The following RREB1 variants were observed in gnomAD, a reference collection of about 807,000 sequenced individuals.
RREB1 encodes ras-responsive element-binding protein 1.
RREB1 carries 27 observed loss-of-function variants against 117.8 expected under a neutral mutation model. The ratio of observed to expected loss-of-function variants is 0.23; its 90% CI spans 0.17 to 0.32. The LOEUF (loss-of-function observed/expected upper bound fraction) is 0.32. Among genes scored for constraint, RREB1 ranks in the 10% least tolerant of loss-of-function variants. The pLI, the probability that RREB1 is intolerant of heterozygous loss-of-function variation, is 1.00. For synonymous variants in RREB1, 1,298 were observed against 1,026.7 expected, an observed-to-expected ratio of 1.26 and a Z score of -5.05; for missense variants, 2,577 against 2,378.2, an observed-to-expected ratio of 1.08 and a Z score of -1.74.
intron 3 of RREB1, chr6:7,181,499 A>G: frequency 2.1e-6 from 1 of 474,558 alleles, no homozygotes; most frequent in Non-Finnish European, 3.6e-6. Context: ...TGTAGTAGTG[A>G]ATAAGCCTAG....
rs1769124347 is a variant in RREB1, at chr6:7,247,054, C to T, written c.4604C>T (p.Ala1535Val). The T allele has an allele frequency of 2.5e-6, 4 of 1,613,158 alleles. No homozygotes were observed. Among genetic ancestry groups the T allele is most frequent in the African/African-American group, 1.3e-5 (1 of 74,868 alleles). The change falls in exon 12 of 13, where the codon GCG (alanine) becomes GTG (valine). Residue 1535 changes from alanine to valine, a missense_variant. By Grantham distance (64) the Ala-to-Val change is moderately conservative (BLOSUM62 0). Transcript: ENST00000379938. Reference protein sequence around the residue: ...ETEGPSDGESAAEKRSSEKSD... With the variant: ...ETEGPSDGESVAEKRSSEKSD... ...GAGGGCCCCTCCGACGGGGAGAGCG[C>T]GGCCGAGAAAAGGTCCTCAGAGAAG...
intron 1 of RREB1, among the ~76,000 whole-genome samples, chr6:7,120,173 G>A (rs1011705991): frequency 1.3e-5 from 2 of 150,820 alleles, no homozygotes; most frequent in Admixed American, 6.6e-5. Context: ...TACCTAGGCC[G>A]GGCGTGGTGG....
chr6:7,179,216 G>A (rs1366228727), intron 2 of RREB1, among the ~76,000 whole-genome samples: 2 of 152,062 alleles, frequency 1.3e-5, no homozygotes, highest in African/African-American at 2.4e-5. Context: ...TCCCAGACTT[G>A]AGCAAACTCT....
chr6:7,212,039 G>C (rs1766640542), intron 8 of RREB1: 1 of 313,888 alleles, frequency 3.2e-6, no homozygotes, highest in African/African-American at 2.1e-5. Context: ...CGCAAAAGAT[G>C]TTGCAACTCA....
At position 7,245,452 on chromosome 6, in the gene RREB1, C is replaced by T. The variant is rs541366145; in HGVS notation, c.3974-972C>T. 3.3e-5 allele frequency among the ~76,000 whole-genome samples: 5 copies of T among 152,300 alleles called. No individual in the cohort carries two copies. The East Asian group carries it at 9.6e-4, about 29-fold the overall frequency. ...ATCTGCAGCTAAATAATAGGTCCCA[C>T]CAGCTTCCAATGTACTGTCGTAATG... On this transcript the variant is annotated intron_variant, in intron 11 of 12. Coordinates refer to ENST00000379938, the MANE Select transcript of RREB1 (RefSeq NM_001003699.4).
At chr6:7,149,430 G>A (rs1030153633) in intron 1 of RREB1, among the ~76,000 whole-genome samples, 2 of 152,174 alleles carry the variant, frequency 1.3e-5, no homozygotes, top group African/African-American at 4.8e-5. Context: ...TGGTGAATTG[G>A]AAGGAAGGAG....
intron 1 of RREB1, among the ~76,000 whole-genome samples, chr6:7,138,823 C>T (rs1039975401): frequency 3.3e-5 from 5 of 152,216 alleles, no homozygotes; most frequent in Admixed American, 2.0e-4. Flanking sequence ...GTAACTTGTT[C>T]CTAGTTGCTG....
Position 7,167,909 on chromosome 6 carries a change from G to A in RREB1, c.-284-8746G>A, listed in dbSNP as rs75488267. ...TCATTTTTCAGCTAGGAGAACTGAG[G>A]CTCAGAGTTCGGTGGCTCCATTGAT... On this transcript the variant is annotated intron_variant, in intron 1 of 12. Coordinates refer to ENST00000379938, the MANE Select transcript of RREB1 (RefSeq NM_001003699.4). Among the ~76,000 whole-genome samples the A allele has an allele frequency of 0.013, 2,006 of 152,252 alleles. 132 individuals are homozygous for A. In the East Asian group the frequency reaches 0.21, roughly 16 times the overall value.
chr6:7,175,786 C>T (rs1764470966), intron 1 of RREB1, among the ~76,000 whole-genome samples: 1 of 152,206 alleles, frequency 6.6e-6, no homozygotes, highest in Non-Finnish European at 1.5e-5. Flanking sequence ...ATGTTTTCTG[C>T]ATCTTCCCTA....
intron 8 of RREB1, among the ~76,000 whole-genome samples, chr6:7,221,255 G>A (rs1036042279): frequency 6.6e-6 from 1 of 151,690 alleles, no homozygotes; most frequent in African/African-American, 2.4e-5. Context: ...TGCAAGCTCC[G>A]CTTCCCGGGT....
intron 1 of RREB1, among the ~76,000 whole-genome samples, chr6:7,164,482 T>C (rs1160529720): frequency 6.6e-6 from 1 of 152,226 alleles, no homozygotes; most frequent in Non-Finnish European, 1.5e-5. Flanking sequence ...TAACCTCACA[T>C]ATGCTGATGG....
At chr6:7,115,108 C>G (rs913316296) in intron 1 of RREB1, among the ~76,000 whole-genome samples, 1 of 151,858 alleles carries the variant, frequency 6.6e-6, no homozygotes, top group African/African-American at 2.4e-5. Flanking sequence ...ACATAACCGT[C>G]TGCCGTTTTT....
chr6:7,229,483 G>C lies in RREB1; in HGVS notation c.1384G>C (p.Glu462Gln). The change falls in exon 10 of 13, where the codon GAG becomes CAG. Residue 462 changes from glutamate (E) to glutamine (Q), a missense_variant. By Grantham distance (29) the Glu-to-Gln change is conservative. Coordinates refer to ENST00000379938, the MANE Select transcript of RREB1 (RefSeq NM_001003699.4). The surrounding 1 kb of genome is among the most constrained non-coding windows in gnomAD (Gnocchi z 4.5). The stretch of plus-strand genomic sequence containing the variant: ...CATTGTGGTCAAGCCCATCTCTGGC[G>C]AGTCGGCCATCGAGCTGGCAGACAT... ...SSIVVKPISG[E>Q]SAIELADIQQ... is the part of the protein sequence containing the mutation. The C allele has an allele frequency of 6.2e-7, 1 of 1,614,130 alleles. No individual in the cohort carries two copies. The highest frequency in any genetic ancestry group is 8.5e-7 in the Non-Finnish European group (1 of 1,180,028).
chr6:7,203,022 G>A (rs1766072155), intron 6 of RREB1, among the ~76,000 whole-genome samples: 1 of 152,164 alleles, frequency 6.6e-6, no homozygotes, highest in Admixed American at 6.5e-5. Context: ...CAAAACACAA[G>A]CAGGCAAGGG....
chr6:7,135,801 T>A (rs1762326058), intron 1 of RREB1, among the ~76,000 whole-genome samples: 1 of 152,214 alleles, frequency 6.6e-6, no homozygotes, highest in Non-Finnish European at 1.5e-5. Context: ...TCTAGGGGAC[T>A]TAGCAAAACA....
chr6:7,136,616 ACTT>A (rs1762358056), intron 1 of RREB1, among the ~76,000 whole-genome samples: 1 of 152,198 alleles, frequency 6.6e-6, no homozygotes, highest in African/African-American at 2.4e-5. Flanking sequence ...TATATAATTA[ACTT>A]AGGAGTACAA....
intron 1 of RREB1, among the ~76,000 whole-genome samples, chr6:7,129,794 A>G (rs946707950): frequency 6.6e-6 from 1 of 152,220 alleles, no homozygotes; most frequent in African/African-American, 2.4e-5. Context: ...TAGCCCTGAC[A>G]TAGAAGGTTT....
At position 7,247,058 on chromosome 6, in the gene RREB1, C is replaced by T. The variant is rs771340580; in HGVS notation, c.4608C>T (p.Ala1536=). 5 of 1,613,224 alleles carry T rather than the reference C, an allele frequency of 3.1e-6. No homozygotes were observed. The highest frequency in any genetic ancestry group is 2.2e-5 in the South Asian group (2 of 91,078). ...GCCCCTCCGACGGGGAGAGCGCGGC[C>T]GAGAAAAGGTCCTCAGAGAAGAGCG... ...TEGPSDGESA[A]EKRSSEKSDD... Residue 1536 remains alanine (A), a synonymous_variant, in exon 12 of 13, where the codon GCC becomes GCT. Coordinates refer to ENST00000379938, the MANE Select transcript of RREB1 (RefSeq NM_001003699.4).
In RREB1 at chr6:7,229,955, CAG is replaced by C. The variant is rs747709509; in HGVS notation, c.1859_1860del (p.Glu620GlyfsTer119). The C allele has an allele frequency of 6.2e-7, 1 of 1,602,472 alleles. No individual in the cohort carries two copies. Among genetic ancestry groups the C allele is most frequent in the African/African-American group, 1.3e-5 (1 of 74,792 alleles). ...GAGGCCAAGATCAAGCAGGAGATCA[CAG>C]AGGGGGAACTCAAGGCCTTCATGAC... is the stretch of plus-strand genomic sequence containing the variant. On this transcript the variant is annotated frameshift_variant, in exon 10 of 13. Transcript: ENST00000379938. LOFTEE classifies it high-confidence loss of function. This position sits in a 1 kb window ranked among gnomAD's most constrained non-coding sequence, Gnocchi z 4.5.
Sources: gnomAD v4.1 joint callset for allele counts (sites outside exome capture counted in the v4.1 genomes callset) on GRCh38, gnomAD v4.1.1 for gene constraint, Gnocchi (gnomAD v3.1) non-coding constraint, MANE v1.5 for transcripts, NCBI Gene and HGNC (gene_info 2026-07-23, HGNC 2026-07-21) for gene names.